CSMD1: variants seen among roughly 807,000 people sequenced by gnomAD.
CSMD1 encodes CUB and Sushi multiple domains 1.
In CSMD1, 213 loss-of-function variants were observed where a neutral mutation model predicts 417.5. The observed-to-expected ratio is 0.51, with a 90% confidence interval of 0.46 to 0.57. The LOEUF is 0.57. Ranked by LOEUF, CSMD1 falls within the 20% of genes least tolerant of loss-of-function variation. The pLI, the probability that CSMD1 is intolerant of heterozygous loss-of-function variation, is 0.00. For missense variants in CSMD1, 6,923 were observed against 4,529.7 expected (o/e 1.53, Z -15.17); for synonymous variants, 2,862 against 1,736.8 (o/e 1.65, Z -16.11).
At chr8:4,519,741 T>TCA (rs1803328542) in intron 2 of CSMD1, among the ~76,000 whole-genome samples, 1 of 16,620 alleles carries the variant, frequency 6.0e-5, no homozygotes, top group South Asian at 3.0e-3. Context: ...AGACTTCATC[T>TCA]CAAAAAAAAA....
At chr8:4,744,710 G>C (rs865892228) in intron 1 of CSMD1, among the ~76,000 whole-genome samples, 1 of 152,092 alleles carries the variant, frequency 6.6e-6, no homozygotes, top group African/African-American at 2.4e-5. Context: ...GCTTTTCTCA[G>C]GTCATGGTTT....
At chr8:3,148,577 C>G (rs926257631) in intron 40 of CSMD1, among the ~76,000 whole-genome samples, 26 of 152,254 alleles carry the variant, frequency 1.7e-4, no homozygotes, top group African/African-American at 5.8e-4. Flanking sequence ...GTGGATATTA[C>G]AAGGGAGAAG....
intron 1 of CSMD1, among the ~76,000 whole-genome samples, chr8:4,905,003 C>T (rs569184632): frequency 6.6e-6 from 1 of 152,312 alleles, no homozygotes; most frequent in Non-Finnish European, 1.5e-5. Flanking sequence ...GTATTACTCA[C>T]TCTAAGGTAG....
chr8:4,375,513 G>C (rs970003360), intron 3 of CSMD1, among the ~76,000 whole-genome samples: 2 of 152,118 alleles, frequency 1.3e-5, no homozygotes, highest in Admixed American at 1.3e-4. Flanking sequence ...AGTGACATCA[G>C]AAGAATTTTT....
chr8:4,120,569 G>C (rs751837689), intron 3 of CSMD1, among the ~76,000 whole-genome samples: 1 of 152,192 alleles, frequency 6.6e-6, no homozygotes, highest in African/African-American at 2.4e-5. Context: ...GCGACCGGGA[G>C]GCTTTCAAAT....
chr8:4,910,414 C>T (rs953924127), intron 1 of CSMD1, among the ~76,000 whole-genome samples: 14 of 152,280 alleles, frequency 9.2e-5, no homozygotes, highest in African/African-American at 3.1e-4. Context: ...TTATTTTTCA[C>T]ATTCTGGAGG....
chr8:3,710,040 G>C (rs1484723740), intron 6 of CSMD1, among the ~76,000 whole-genome samples: 2 of 151,910 alleles, frequency 1.3e-5, no homozygotes, highest in East Asian at 1.9e-4. Context: ...CTCTTGACCA[G>C]ATGCCTTACC....
intron 2 of CSMD1, among the ~76,000 whole-genome samples, chr8:4,606,996 G>A (rs561830111): frequency 6.6e-6 from 1 of 152,076 alleles, no homozygotes; most frequent in Non-Finnish European, 1.5e-5. Flanking sequence ...TTTTCATGTG[G>A]CACCATATTT....
chr8:4,003,167 G>A (rs912346950), intron 4 of CSMD1, among the ~76,000 whole-genome samples: 2 of 152,150 alleles, frequency 1.3e-5, no homozygotes, highest in Non-Finnish European at 2.9e-5. Flanking sequence ...CCCTAGGAGG[G>A]TGGATCACGA....
intron 39 of CSMD1, among the ~76,000 whole-genome samples, chr8:3,153,372 T>C (rs1819320060): frequency 6.6e-6 from 1 of 152,158 alleles, no homozygotes; most frequent in African/African-American, 2.4e-5. Context: ...GAGTAACCAT[T>C]CTTTTGTTCC....
intron 4 of CSMD1, among the ~76,000 whole-genome samples, chr8:4,026,207 C>T (rs915659431): frequency 8.5e-5 from 13 of 152,228 alleles, no homozygotes; most frequent in African/African-American, 3.1e-4. Flanking sequence ...ATCTAGTTAT[C>T]CAAATCCATG....
intron 3 of CSMD1, among the ~76,000 whole-genome samples, chr8:4,305,203 C>G (rs190020376): frequency 4.4e-4 from 67 of 152,292 alleles, no homozygotes; most frequent in African/African-American, 1.6e-3. Context: ...CAAACACACT[C>G]CCCAACAGAG....
intron 40 of CSMD1, among the ~76,000 whole-genome samples, chr8:3,144,622 C>A (rs569292994): frequency 1.3e-5 from 2 of 152,040 alleles, no homozygotes; most frequent in South Asian, 2.1e-4. Flanking sequence ...CAAGGTGGAG[C>A]AACTCTTTAA....
intron 3 of CSMD1, among the ~76,000 whole-genome samples, chr8:4,064,884 T>C (rs1799165314): frequency 6.6e-6 from 1 of 152,080 alleles, no homozygotes; most frequent in Non-Finnish European, 1.5e-5. Context: ...TCTACATGGG[T>C]TTCCTCACAA....
chr8:3,182,476 A>C (rs748804245), intron 36 of CSMD1, among the ~76,000 whole-genome samples: 1 of 152,048 alleles, frequency 6.6e-6, no homozygotes, highest in African/African-American at 2.4e-5. Flanking sequence ...CGGCCTCCCA[A>C]AGTCCTGGGA....
chr8:3,748,518 A>G (rs1797166575), intron 6 of CSMD1, among the ~76,000 whole-genome samples: 1 of 152,152 alleles, frequency 6.6e-6, no homozygotes, highest in Non-Finnish European at 1.5e-5. Context: ...GCTAAACGTA[A>G]CTGAGCACTT....
intron 3 of CSMD1, among the ~76,000 whole-genome samples, chr8:4,118,585 G>T (rs372449101): frequency 1.3e-5 from 2 of 152,120 alleles, no homozygotes; most frequent in Admixed American, 1.3e-4. Flanking sequence ...AAAAAGTAAG[G>T]AAACAATAGA....
At chr8:3,052,359 G>C in intron 50 of CSMD1, 103 bp downstream of exon 50, 3 of 726,596 alleles carry the variant, frequency 4.1e-6, no homozygotes, top group African/African-American at 1.8e-5. Context: ...ATCCTCACAA[G>C]GTGTGGGAGA....
rs543579266 is a variant in CSMD1 at position 3,018,361 on chromosome 8, T to C, written c.8029+116A>G. The stretch of plus-strand genomic sequence containing the variant: ...AAATCACACTGGGAGGTGCAGCATT[T>C]CCACCCCAGGTAGGATTTAAGGCAT... On this transcript the variant is annotated intron_variant, in intron 52 of 69. Transcript: ENST00000635120. The C allele has an allele frequency of 7.6e-6, 7 of 923,412 alleles. No individual in the cohort carries two copies. The South Asian group carries it at 1.4e-4, about 19-fold the overall frequency. 57.2% of individuals were successfully genotyped at this position (923,412 alleles called of 1,614,324 possible). A position where few individuals can be genotyped will look rare whatever the true frequency, so the allele number is the denominator to read the frequency against.
Sources: allele counts gnomAD v4.1 joint callset (sites outside exome capture counted in the v4.1 genomes callset), GRCh38; gene constraint gnomAD v4.1.1; transcripts MANE v1.5; gene names NCBI Gene and HGNC (gene_info 2026-07-23, HGNC 2026-07-21).